GRAMD4: variants seen among roughly 807,000 people sequenced by gnomAD.
The protein encoded by GRAMD4 is GRAM domain-containing protein 4.
Under a neutral mutation model 83.9 loss-of-function variants are expected in GRAMD4, and 25 were observed. That is an observed-to-expected ratio of 0.30 (90% CI 0.22 to 0.42). The LOEUF (loss-of-function observed/expected upper bound fraction) is 0.42, where lower values mean the gene tolerates loss of function less well. GRAMD4 is among the 10% of genes least tolerant of loss of function. The probability of loss-of-function intolerance (pLI) is 1.00; values close to 1 mark genes in which losing one functional copy is unlikely to be tolerated. For missense variants in GRAMD4, 593 were observed against 788.7 expected (o/e 0.75, Z 2.97); for synonymous variants, 336 against 320.9 (o/e 1.05, Z -0.50).
chr22:46,625,183 C>G (rs2081638264), intron 1 of GRAMD4, among the ~76,000 whole-genome samples: 1 of 152,174 alleles, frequency 6.6e-6, no homozygotes, highest in Admixed American at 6.5e-5. Flanking sequence ...GCAGCAGGGC[C>G]GGCATCAGGA....
chr22:46,596,533 G>C (rs908535083), intron 1 of GRAMD4, among the ~76,000 whole-genome samples: 1 of 152,174 alleles, frequency 6.6e-6, no homozygotes, highest in Non-Finnish European at 1.5e-5. Flanking sequence ...GGAATTTAGA[G>C]ATTAGCCTTT....
intron 3 of GRAMD4, among the ~76,000 whole-genome samples, chr22:46,657,780 C>A (rs923474086): frequency 1.3e-5 from 2 of 152,230 alleles, no homozygotes; most frequent in Admixed American, 1.3e-4. Flanking sequence ...CCTCACCCAG[C>A]ACATGGAGGC....
intron 1 of GRAMD4, among the ~76,000 whole-genome samples, chr22:46,577,983 G>A (rs2081061413): frequency 6.6e-6 from 1 of 152,276 alleles, no homozygotes; most frequent in Admixed American, 6.5e-5. Flanking sequence ...GGAGGGAGGA[G>A]AGCCAGTTTG....
At chr22:46,640,204 G>C (rs1222354002) in intron 3 of GRAMD4, among the ~76,000 whole-genome samples, 1 of 152,216 alleles carries the variant, frequency 6.6e-6, no homozygotes, top group Admixed American at 6.5e-5. Flanking sequence ...TGAAGTGGTT[G>C]AATATTGACG....
chr22:46,680,833 TCCA>T (rs1569313858), downstream of GRAMD4, among the ~76,000 whole-genome samples: 46 of 101,020 alleles, frequency 4.6e-4, no homozygotes, highest in African/African-American at 2.2e-3. Context: ...CATCCATCCA[TCCA>T]TCCATCCATC....
At chr22:46,616,457 C>T (rs1208874813), upstream of GRAMD4, among the ~76,000 whole-genome samples, 1 of 128,238 alleles carries the variant, frequency 7.8e-6, no homozygotes. Flanking sequence ...TGTAGGTTCC[C>T]CCGTGTGTAG....
intron 1 of GRAMD4, among the ~76,000 whole-genome samples, chr22:46,608,398 G>T (rs948204561): frequency 2.0e-5 from 3 of 152,196 alleles, no homozygotes; most frequent in African/African-American, 7.2e-5. Flanking sequence ...AGTATTTTGG[G>T]CCGGGCATGG....
In GRAMD4 at chr22:46,661,451, TGGTGGGCGGGTGGACAGGCA is replaced by T; in HGVS notation, c.466+12_466+31del. On this transcript the variant is annotated intron_variant, in intron 5 of 18. Transcript: ENST00000406902. The stretch of plus-strand genomic sequence containing the variant: ...GGCCAGCAATGGAGCAGGTACACCC[TGGTGGGCGGGTGGACAGGCA>T]GGCGGGCGGGTGGGTGGCTGCGCGT... 1 of 1,551,122 alleles carries T rather than the reference TGGTGGGCGGGTGGACAGGCA, an allele frequency of 6.4e-7. No homozygotes were observed. Among genetic ancestry groups the T allele is most frequent in the Non-Finnish European group, 8.8e-7 (1 of 1,131,234 alleles).
chr22:46,676,830 G>A (rs6007952), intron 18 of GRAMD4, among the ~76,000 whole-genome samples, 162 bp downstream of exon 18: 12,657 of 152,242 alleles, frequency 0.083, 747 homozygotes, highest in African/African-American at 0.17. Context: ...CTGGGGCTGC[G>A]TCCAGGTTGG....
rs1380223213 is a variant in GRAMD4 at position 46,677,919 on chromosome 22, C to G, written c.*668C>G. 1.0e-5 allele frequency: 10 copies of G among 985,176 alleles called. No homozygotes were observed. In the East Asian group the frequency reaches 1.0e-3, roughly 101 times the overall value. 61.0% of individuals were successfully genotyped at this position (985,176 alleles called of 1,614,324 possible). A position where few individuals can be genotyped will look rare whatever the true frequency, so the allele number is the denominator to read the frequency against. ...CCCACCCCTCGCCTGCCCTCAGTGT[C>G]TTTGGTGGCACCTTCCTTGCTGGCC... On this transcript the variant is annotated 3_prime_UTR_variant, in exon 19 of 19. Coordinates refer to ENST00000406902, the MANE Select transcript of GRAMD4 (RefSeq NM_015124.5).
chr22:46,678,145 G>A lies in GRAMD4; in HGVS notation c.*894G>A. On this transcript the variant is annotated 3_prime_UTR_variant, in exon 19 of 19. Coordinates refer to ENST00000406902, the MANE Select transcript of GRAMD4 (RefSeq NM_015124.5). ...GGAGGTGCTCCGAGCACTGTGGCAT[G>A]TCTGGCACATGGCCCCCAGGCTGCG... is the stretch of plus-strand genomic sequence containing the variant. 1.0e-6 allele frequency: 1 copy of A among 985,608 alleles called. No homozygotes were observed. The highest frequency in any genetic ancestry group is 1.7e-5 in the African/African-American group (1 of 57,390). The allele number at this position is 985,608 out of a possible 1,614,324, so 61.1% of individuals were successfully genotyped here. A position where few individuals can be genotyped will look rare whatever the true frequency, so the allele number is the denominator to read the frequency against.
Position 46,659,944 on chromosome 22 carries a change from C to A in GRAMD4, c.405-1437C>A, listed in dbSNP as rs1313732138. ...CCTGACCTGCCACGCTGGGAGATCCCAGGGACAGGTGCGGTCCCCAGGCAT... is the reference window on the plus strand; with the variant it reads ...CCTGACCTGCCACGCTGGGAGATCCAAGGGACAGGTGCGGTCCCCAGGCAT... On this transcript the variant is annotated intron_variant, in intron 4 of 18. Coordinates refer to ENST00000406902, the MANE Select transcript of GRAMD4 (RefSeq NM_015124.5). The surrounding 1 kb of genome is among the most constrained non-coding windows in gnomAD (Gnocchi z 4.1). 6.6e-6 allele frequency among the ~76,000 whole-genome samples: 1 copy of A among 152,180 alleles called. No homozygotes were observed. The highest frequency in any genetic ancestry group is 2.4e-5 in the African/African-American group (1 of 41,458).
chr22:46,644,763 C>A (rs1376580865), intron 3 of GRAMD4, among the ~76,000 whole-genome samples: 2 of 132,534 alleles, frequency 1.5e-5, no homozygotes, highest in Non-Finnish European at 3.1e-5. Flanking sequence ...GATAGGGTCT[C>A]GCTCTGTCAC....
At chr22:46,651,772 CT>C (rs2082169983) in intron 3 of GRAMD4, among the ~76,000 whole-genome samples, 3 of 152,296 alleles carry the variant, frequency 2.0e-5, no homozygotes, top group South Asian at 4.2e-4. Context: ...TCGGTGTGCA[CT>C]TTTCTGGTGG....
rs1011205145 is a variant in GRAMD4, at chr22:46,678,126, G to T, written c.*875G>T. The T allele has an allele frequency of 1.5e-5, 15 of 985,540 alleles. No individual in the cohort carries two copies. In the African/African-American group the frequency reaches 1.9e-4, roughly 13 times the overall value. The allele number at this position is 985,540 out of a possible 1,614,324, so 61.0% of individuals were successfully genotyped here. On this transcript the variant is annotated 3_prime_UTR_variant, in exon 19 of 19. Transcript: ENST00000406902. Reference sequence around the variant, plus strand: ...AACATCCGCGAAGGCTGTTGGAGGTGCTCCGAGCACTGTGGCATGTCTGGC... The same window carrying T: ...AACATCCGCGAAGGCTGTTGGAGGTTCTCCGAGCACTGTGGCATGTCTGGC...
chr22:46,579,835 T>G (rs1439654384), intron 1 of GRAMD4, among the ~76,000 whole-genome samples: 1 of 152,076 alleles, frequency 6.6e-6, no homozygotes, highest in African/African-American at 2.4e-5. Context: ...CTCGGGGAGC[T>G]GGGGAGGCGT....
intron 1 of GRAMD4, among the ~76,000 whole-genome samples, chr22:46,578,249 G>GAGGT (rs1448738973): frequency 6.6e-6 from 1 of 152,170 alleles, no homozygotes; most frequent in Admixed American, 6.5e-5. Flanking sequence ...TGCCAAAAAG[G>GAGGT]AGGTGCCTGA....
At chr22:46,627,404 G>A (rs767465799) in intron 2 of GRAMD4, among the ~76,000 whole-genome samples, 3 of 152,258 alleles carry the variant, frequency 2.0e-5, no homozygotes, top group Non-Finnish European at 4.4e-5. Flanking sequence ...CATCAGCCAC[G>A]CGGAATCAGG....
At chr22:46,668,256 C>G in intron 11 of GRAMD4, 89 bp downstream of exon 11, 1 of 843,728 alleles carries the variant, frequency 1.2e-6, no homozygotes, top group Non-Finnish European at 1.9e-6. Context: ...GGGTAGGTCT[C>G]CGCCGGCCTC....
Sources: allele counts gnomAD v4.1 joint callset (sites outside exome capture counted in the v4.1 genomes callset), GRCh38; gene constraint gnomAD v4.1.1; non-coding constraint Gnocchi (gnomAD v3.1); transcripts MANE v1.5; gene names NCBI Gene and HGNC (gene_info 2026-07-23, HGNC 2026-07-21).